CNTN5: variants seen among roughly 807,000 people sequenced by gnomAD.
CNTN5 encodes the protein contactin 5.
Under a neutral mutation model 129.1 loss-of-function variants are expected in CNTN5, and 77 were observed. That is an observed-to-expected ratio of 0.60 (90% CI 0.50 to 0.72). CNTN5 has a LOEUF of 0.72. Among genes scored for constraint, CNTN5 ranks in the 30% least tolerant of loss-of-function variants. The pLI, the probability that CNTN5 is intolerant of heterozygous loss-of-function variation, is 0.00. For synonymous variants in CNTN5, 509 were observed against 465.6 expected (o/e 1.09, Z -1.20); for missense variants, 1,478 against 1,328.8 (o/e 1.11, Z -1.75).
At chr11:99,044,660 A>AG (rs1460718499) in intron 1 of CNTN5, among the ~76,000 whole-genome samples, 3 of 152,250 alleles carry the variant, frequency 2.0e-5, no homozygotes, top group African/African-American at 7.2e-5. Flanking sequence ...TCTAGAGCAG[A>AG]CTTGGCATGG....
chr11:99,135,087 A>C (rs4644619), intron 1 of CNTN5, among the ~76,000 whole-genome samples: 137,074 of 152,202 alleles, frequency 0.9, 61,932 homozygotes, highest in East Asian at 0.99. Context: ...TAAGCTTAAA[A>C]ACCTCTTGTA....
Position 100,358,163 on chromosome 11 carries a change from C to A in CNTN5, c.*1943C>A, listed in dbSNP as rs559262825. ...ATATTTTTAATGCAAAATAATTTTA[C>A]GTATTTCATGAATCAAGCCATTTTC... On this transcript the variant is annotated 3_prime_UTR_variant, in exon 25 of 25. Transcript: ENST00000524871. The A allele has an allele frequency of 2.0e-5, 3 of 151,928 alleles. No individual in the cohort carries two copies. In the East Asian group the frequency reaches 5.8e-4, roughly 29 times the overall value. The allele number at this position is 151,928 out of a possible 1,614,324, so 9.4% of individuals were successfully genotyped here.
intron 2 of CNTN5, among the ~76,000 whole-genome samples, chr11:99,398,727 T>C (rs1941651702): frequency 6.6e-6 from 1 of 151,982 alleles, no homozygotes; most frequent in Non-Finnish European, 1.5e-5. Context: ...TGTATGGATG[T>C]CAGTCTGTTT....
chr11:99,098,327 C>T (rs747753289), intron 1 of CNTN5, among the ~76,000 whole-genome samples: 39 of 151,960 alleles, frequency 2.6e-4, no homozygotes, highest in Non-Finnish European at 5.2e-4. Context: ...CCTTGAGAAG[C>T]GACATAGTTG....
intron 7 of CNTN5, among the ~76,000 whole-genome samples, chr11:99,941,231 C>G (rs1950428078): frequency 6.6e-6 from 1 of 151,958 alleles, no homozygotes; most frequent in African/African-American, 2.4e-5. Flanking sequence ...ACATATCTAC[C>G]TATATATTAG....
chr11:99,608,220 G>T (rs995198720), intron 3 of CNTN5, among the ~76,000 whole-genome samples: 1 of 151,924 alleles, frequency 6.6e-6, no homozygotes, highest in African/African-American at 2.4e-5. Context: ...TAATAAATAT[G>T]TGTTGTCCCA....
intron 8 of CNTN5, among the ~76,000 whole-genome samples, chr11:99,957,302 C>A (rs1231643491): frequency 1.3e-5 from 2 of 152,120 alleles, no homozygotes; most frequent in African/African-American, 4.8e-5. Flanking sequence ...ACAGTTCTTT[C>A]CTTTGCTCTT....
chr11:99,972,416 T>G (rs1951289044), intron 8 of CNTN5, among the ~76,000 whole-genome samples: 2 of 152,338 alleles, frequency 1.3e-5, no homozygotes, highest in Admixed American at 6.5e-5. Context: ...GCACTTTGTT[T>G]GGAAATACAA....
At chr11:100,328,907 A>G (rs559615156) in intron 21 of CNTN5, among the ~76,000 whole-genome samples, 15 of 152,362 alleles carry the variant, frequency 9.8e-5, no homozygotes, top group South Asian at 6.2e-4. Context: ...GGAACATACC[A>G]GGAAAGCCAA....
At chr11:100,240,481 G>C (rs1241433420) in intron 16 of CNTN5, among the ~76,000 whole-genome samples, 1 of 152,160 alleles carries the variant, frequency 6.6e-6, no homozygotes, top group Non-Finnish European at 1.5e-5. Context: ...ACCACTGACA[G>C]TTCTTTCTCC....
At chr11:99,982,980 G>T (rs1938446195) in intron 8 of CNTN5, among the ~76,000 whole-genome samples, 1 of 152,142 alleles carries the variant, frequency 6.6e-6, no homozygotes, top group Admixed American at 6.5e-5. Context: ...TGTGGACCAT[G>T]GAGGGCCCAA....
intron 2 of CNTN5, among the ~76,000 whole-genome samples, chr11:99,508,847 A>G (rs1193472336): frequency 2.0e-5 from 3 of 151,684 alleles, no homozygotes; most frequent in South Asian, 4.2e-4. Flanking sequence ...ATGCCCGGCT[A>G]ATTTTTTATT....
At chr11:99,125,883 C>T (rs1022806928) in intron 1 of CNTN5, among the ~76,000 whole-genome samples, 4 of 151,970 alleles carry the variant, frequency 2.6e-5, no homozygotes, top group Non-Finnish European at 5.9e-5. Context: ...ATGGTAATAC[C>T]ATTATATCAT....
chr11:99,190,025 T>G (rs1255162523), intron 1 of CNTN5, among the ~76,000 whole-genome samples: 1 of 151,698 alleles, frequency 6.6e-6, no homozygotes, highest in East Asian at 1.9e-4. Context: ...TCTAGTAGTT[T>G]TATAGTTTCA....
At chr11:99,803,252 G>C (rs1946168417) in intron 3 of CNTN5, among the ~76,000 whole-genome samples, 1 of 152,198 alleles carries the variant, frequency 6.6e-6, no homozygotes, top group African/African-American at 2.4e-5. Context: ...GGAACACCCA[G>C]CAATGATACC....
chr11:100,286,279 C>A (rs1281805699), intron 18 of CNTN5, among the ~76,000 whole-genome samples: 1 of 152,188 alleles, frequency 6.6e-6, no homozygotes, highest in Non-Finnish European at 1.5e-5. Flanking sequence ...CAGCCTGCCT[C>A]TGTAGGCTCC....
At chr11:99,288,222 T>C (rs1165309864) in intron 1 of CNTN5, among the ~76,000 whole-genome samples, 1 of 150,678 alleles carries the variant, frequency 6.6e-6, no homozygotes, top group Non-Finnish European at 1.5e-5. Context: ...TAAGCAGGGT[T>C]TTTTTTTTAC....
chr11:100,052,286 A>G (rs1392622401), intron 9 of CNTN5, among the ~76,000 whole-genome samples: 1 of 151,842 alleles, frequency 6.6e-6, no homozygotes, highest in Non-Finnish European at 1.5e-5. Flanking sequence ...GTAAGAGACT[A>G]AAATATTTCC....
chr11:100,340,948 C>T, intron 22 of CNTN5, 145 bp from the exon 23 acceptor site: 5 of 666,860 alleles, frequency 7.5e-6, no homozygotes, highest in Non-Finnish European at 1.3e-5. Flanking sequence ...GAGCAAAACC[C>T]TCCTTATCTG....
Sources: gnomAD v4.1 joint callset for allele counts (sites outside exome capture counted in the v4.1 genomes callset) on GRCh38, gnomAD v4.1.1 for gene constraint, MANE v1.5 for transcripts, NCBI Gene and HGNC (gene_info 2026-07-23, HGNC 2026-07-21) for gene names.